ENOPH1: variants seen among roughly 807,000 people sequenced by gnomAD.
ENOPH1 encodes the protein enolase-phosphatase E1.
Under a neutral mutation model 31.1 loss-of-function variants are expected in ENOPH1, and 14 were observed. The observed-to-expected ratio is 0.45, with a 90% CI of 0.30 to 0.70. The LOEUF (loss-of-function observed/expected upper bound fraction) is 0.70, where lower values mean the gene tolerates loss of function less well. Ranked by LOEUF, ENOPH1 falls within the 30% of genes least tolerant of loss-of-function variation. The pLI, the probability that ENOPH1 is intolerant of heterozygous loss-of-function variation, is 0.09. For synonymous variants in ENOPH1, 127 were observed against 123.2 expected (o/e 1.03, Z -0.21); for missense variants, 243 against 321.5 (o/e 0.76, Z 1.87).
intron 3 of ENOPH1, among the ~76,000 whole-genome samples, chr4:82,451,680 G>A (rs931414253): frequency 3.3e-5 from 5 of 152,312 alleles, no homozygotes; most frequent in South Asian, 2.1e-4. Flanking sequence ...GCACTACCAC[G>A]TTCTTCTTTG....
rs150566507 is a variant in ENOPH1, at chr4:82,436,392, G to A, written c.84+5479G>A. ...ACTGTCTTGCGTATATCAAGAGGTG[G>A]ATGGAGGCTAGCCTTAGCCTTGGTG... On this transcript the variant is annotated intron_variant, in intron 1 of 5. Coordinates refer to ENST00000273920, the MANE Select transcript of ENOPH1 (RefSeq NM_021204.5). Among the ~76,000 whole-genome samples, 546 of 152,246 alleles carry A rather than the reference G, an allele frequency of 3.6e-3. 6 individuals are homozygous for A. Among genetic ancestry groups the A allele is most frequent in the African/African-American group, 0.012 (516 of 41,538 alleles).
chr4:82,451,352 A>G, intron 3 of ENOPH1, 107 bp downstream of exon 3: 1 of 1,063,800 alleles, frequency 9.4e-7, no homozygotes, highest in Non-Finnish European at 1.4e-6. Flanking sequence ...AAAACAGATA[A>G]AAATCCACAC....
intron 5 of ENOPH1, among the ~76,000 whole-genome samples, chr4:82,457,505 C>G (rs1399120463): frequency 2.6e-5 from 4 of 152,172 alleles, no homozygotes; most frequent in Non-Finnish European, 4.4e-5. Flanking sequence ...CAGAGCAAGA[C>G]TGTCTCAAAA....
At chr4:82,438,029 T>C (rs1297516821) in intron 1 of ENOPH1, among the ~76,000 whole-genome samples, 2 of 152,310 alleles carry the variant, frequency 1.3e-5, no homozygotes, top group African/African-American at 4.8e-5. Flanking sequence ...TGAAACCAGC[T>C]GATAATGGAA....
chr4:82,449,553 C>T (rs1403740727), intron 2 of ENOPH1, among the ~76,000 whole-genome samples: 2 of 152,180 alleles, frequency 1.3e-5, no homozygotes, highest in East Asian at 3.9e-4. Context: ...TTTAAAACAA[C>T]CAGAACTCAC....
chr4:82,452,080 CT>C (rs1267453853), intron 3 of ENOPH1, among the ~76,000 whole-genome samples: 2 of 148,898 alleles, frequency 1.3e-5, no homozygotes, highest in African/African-American at 4.9e-5. Context: ...AATACCTGGC[CT>C]ATTTTTTTTT....
At chr4:82,449,170 G>A (rs1234274867) in intron 2 of ENOPH1, among the ~76,000 whole-genome samples, 1 of 152,104 alleles carries the variant, frequency 6.6e-6, no homozygotes, top group African/African-American at 2.4e-5. Flanking sequence ...AACGTGGGAG[G>A]TGAAGGTTGT....
intron 1 of ENOPH1, among the ~76,000 whole-genome samples, chr4:82,432,576 T>A (rs931260496): frequency 6.6e-6 from 1 of 152,010 alleles, no homozygotes; most frequent in Non-Finnish European, 1.5e-5. Context: ...CTCAAGTGAT[T>A]CACCCACCTC....
intron 4 of ENOPH1, among the ~76,000 whole-genome samples, chr4:82,455,979 TTCTG>T (rs1192563177): frequency 2.0e-5 from 3 of 152,056 alleles, no homozygotes; most frequent in Admixed American, 2.0e-4. Flanking sequence ...TTTTCCTACT[TTCTG>T]TCTTATTTTT....
chr4:82,440,362 G>A (rs1722007843), intron 1 of ENOPH1, among the ~76,000 whole-genome samples: 1 of 152,162 alleles, frequency 6.6e-6, no homozygotes, highest in South Asian at 2.1e-4. Context: ...AGATGATCCT[G>A]GTGAGTAGTG....
chr4:82,447,165 T>C (rs984763047), intron 1 of ENOPH1, among the ~76,000 whole-genome samples: 1 of 152,000 alleles, frequency 6.6e-6, no homozygotes, highest in Non-Finnish European at 1.5e-5. Context: ...TTTGTATTTT[T>C]AGTAGAGACA....
rs1722627716 is a variant in ENOPH1, at chr4:82,460,835, TATC to T, written c.*718_*720del. The T allele has an allele frequency of 6.6e-6, 1 of 152,264 alleles. No individual in the cohort carries two copies. Among genetic ancestry groups the T allele is most frequent in the African/African-American group, 2.4e-5 (1 of 41,472 alleles). 9.4% of individuals were successfully genotyped at this position (152,264 alleles called of 1,614,324 possible). A position where few individuals can be genotyped will look rare whatever the true frequency, so the allele number is the denominator to read the frequency against. ...GAACAGTTCTAATCCTGCCACGTGT[TATC>T]ATTATAGATTTTATAGTTGCCTTTC... is the stretch of plus-strand genomic sequence containing the variant. On this transcript the variant is annotated 3_prime_UTR_variant, in exon 6 of 6. Coordinates refer to ENST00000273920, the MANE Select transcript of ENOPH1 (RefSeq NM_021204.5).
At chr4:82,440,903 T>A (rs1011519645) in intron 1 of ENOPH1, among the ~76,000 whole-genome samples, 2 of 152,206 alleles carry the variant, frequency 1.3e-5, no homozygotes, top group Non-Finnish European at 2.9e-5. Context: ...GGTCCAGCCC[T>A]GTTTACTCCC....
chr4:82,442,331 C>G (rs1010402534), intron 1 of ENOPH1, among the ~76,000 whole-genome samples: 2 of 152,132 alleles, frequency 1.3e-5, no homozygotes, highest in Non-Finnish European at 2.9e-5. Context: ...ACCAGCCTGG[C>G]CAACATGGTG....
chr4:82,456,871 C>T lies in ENOPH1; in HGVS notation c.523-44C>T, dbSNP rs368215068. 19 of 1,603,322 alleles carry T rather than the reference C, an allele frequency of 1.2e-5. No homozygotes were observed. The African/African-American group carries it at 2.1e-4, about 18-fold the overall frequency. The stretch of plus-strand genomic sequence containing the variant: ...TTCAGAGAAAGGCATGAGGGGCATG[C>T]AAGTGTATTTGTATTGCCAGTCTTT... On this transcript the variant is annotated intron_variant, in intron 4 of 5. Coordinates refer to ENST00000273920, the MANE Select transcript of ENOPH1 (RefSeq NM_021204.5).
intron 3 of ENOPH1, among the ~76,000 whole-genome samples, chr4:82,452,800 T>C (rs1220669435): frequency 1.3e-5 from 2 of 151,894 alleles, no homozygotes; most frequent in Non-Finnish European, 2.9e-5. Flanking sequence ...TTGTCCAGGC[T>C]GGTCTTAAGC....
intron 3 of ENOPH1, among the ~76,000 whole-genome samples, chr4:82,452,414 T>C (rs976822477): frequency 6.6e-6 from 1 of 152,114 alleles, no homozygotes; most frequent in Admixed American, 6.5e-5. Flanking sequence ...GTTCAAGCGA[T>C]TCTCCTGCCT....
chr4:82,453,053 C>T (rs1722393934), intron 3 of ENOPH1, among the ~76,000 whole-genome samples: 1 of 152,072 alleles, frequency 6.6e-6, no homozygotes, highest in Admixed American at 6.5e-5. Flanking sequence ...AGGCGTGTGC[C>T]ACCACGCCCG....
chr4:82,440,958 C>T (rs1414456136), intron 1 of ENOPH1, among the ~76,000 whole-genome samples: 62 of 152,168 alleles, frequency 4.1e-4, no homozygotes, highest in Non-Finnish European at 1.5e-5. Flanking sequence ...GACCATGTGG[C>T]CCCATGTGGC....
Sources: gnomAD v4.1 joint callset for allele counts (sites outside exome capture counted in the v4.1 genomes callset) on GRCh38, gnomAD v4.1.1 for gene constraint, MANE v1.5 for transcripts, NCBI Gene and HGNC (gene_info 2026-07-23, HGNC 2026-07-21) for gene names.